THSD7B: variants seen among roughly 807,000 people sequenced by gnomAD.
THSD7B encodes the protein thrombospondin type-1 domain-containing protein 7B.
THSD7B carries 138 observed loss-of-function variants against 213.6 expected under a neutral mutation model. The ratio of observed to expected loss-of-function variants is 0.65; its 90% CI spans 0.56 to 0.74. THSD7B has a LOEUF of 0.74. Ranked by LOEUF, THSD7B falls within the 30% of genes least tolerant of loss-of-function variation. THSD7B has a pLI of 0.00. For missense variants in THSD7B, 1,931 were observed against 1,991.5 expected, an observed-to-expected ratio of 0.97 and a Z score of 0.58; for synonymous variants, 742 against 687.0, an observed-to-expected ratio of 1.08 and a Z score of -1.25.
intron 10 of THSD7B, among the ~76,000 whole-genome samples, chr2:137,250,809 C>A (rs987244088): frequency 1.1e-4 from 17 of 152,146 alleles, no homozygotes; most frequent in African/African-American, 3.6e-4. Context: ...CAAGAAAAGT[C>A]TGATTTCCCC....
intron 15 of THSD7B, among the ~76,000 whole-genome samples, chr2:137,533,905 A>G (rs1344629503): frequency 6.6e-6 from 1 of 151,806 alleles, no homozygotes; most frequent in Admixed American, 6.6e-5. Context: ...TTAATTTGGC[A>G]ACTACAATCT....
At chr2:137,172,843 G>T (rs1210335771) in intron 7 of THSD7B, among the ~76,000 whole-genome samples, 1 of 152,200 alleles carries the variant, frequency 6.6e-6, no homozygotes, top group Admixed American at 6.5e-5. Context: ...TGTTAGAGTT[G>T]AGTTAAATTG....
chr2:137,670,898 G>A (rs183482121), intron 27 of THSD7B, among the ~76,000 whole-genome samples: 572 of 129,636 alleles, frequency 4.4e-3, no homozygotes, highest in Middle Eastern at 0.012. Flanking sequence ...TGCAGCGTGG[G>A]CGACAGAGTG....
chr2:137,569,660 G>C (rs1681313583), intron 16 of THSD7B, among the ~76,000 whole-genome samples: 1 of 152,014 alleles, frequency 6.6e-6, no homozygotes, highest in Non-Finnish European at 1.5e-5. Flanking sequence ...TATTTTTGGT[G>C]TTTCCCTTTG....
At chr2:137,233,668 G>C (rs1486476368) in intron 9 of THSD7B, among the ~76,000 whole-genome samples, 1 of 152,136 alleles carries the variant, frequency 6.6e-6, no homozygotes, top group Non-Finnish European at 1.5e-5. Flanking sequence ...TTTTTAAAGA[G>C]AGTAGCAAAA....
chr2:137,091,796 G>T (rs955785450), intron 3 of THSD7B, among the ~76,000 whole-genome samples: 1 of 151,894 alleles, frequency 6.6e-6, no homozygotes, highest in Non-Finnish European at 1.5e-5. Context: ...GAGGTCCCAG[G>T]GGTTATGACT....
At chr2:137,190,414 G>T (rs2105014051) in intron 7 of THSD7B, among the ~76,000 whole-genome samples, 1 of 152,210 alleles carries the variant, frequency 6.6e-6, no homozygotes, top group South Asian at 2.1e-4. Flanking sequence ...ATGTAGAATT[G>T]GCATCATAAC....
chr2:137,513,821 T>C (rs1680016199), intron 15 of THSD7B, among the ~76,000 whole-genome samples: 1 of 152,316 alleles, frequency 6.6e-6, no homozygotes, highest in Non-Finnish European at 1.5e-5. Flanking sequence ...TGGGAATCTC[T>C]ATGAACAAAG....
At chr2:137,642,036 A>G (rs1418073258) in intron 20 of THSD7B, among the ~76,000 whole-genome samples, 1 of 152,160 alleles carries the variant, frequency 6.6e-6, no homozygotes, top group Non-Finnish European at 1.5e-5. Context: ...AGAAGAGGCA[A>G]TGCTCACTAT....
At chr2:136,926,398 A>T (rs1684525140) in intron 2 of THSD7B, among the ~76,000 whole-genome samples, 1 of 151,464 alleles carries the variant, frequency 6.6e-6, no homozygotes, top group Admixed American at 6.6e-5. Context: ...TAAAAAAAAA[A>T]GTTAAAAAAA....
chr2:137,121,763 A>G (rs1432332266), intron 5 of THSD7B, among the ~76,000 whole-genome samples: 1 of 152,224 alleles, frequency 6.6e-6, no homozygotes, highest in Non-Finnish European at 1.5e-5. Flanking sequence ...TAAAAGGCAA[A>G]TAACAAATGT....
At chr2:137,054,295 T>G (rs951298499) in intron 2 of THSD7B, among the ~76,000 whole-genome samples, 1 of 152,238 alleles carries the variant, frequency 6.6e-6, no homozygotes, top group Non-Finnish European at 1.5e-5. Context: ...AAACCTGTTC[T>G]GTTTCAGCAA....
At position 137,157,702 on chromosome 2, in the gene THSD7B, G is replaced by A. The variant is rs1334744219; in HGVS notation, c.1370-2511G>A. ...CCCAGGTCCACTGCTCACTAGCTGG[G>A]AATGTGAATAAGTGAACATTTCTGT... On this transcript the variant is annotated intron_variant, in intron 5 of 27. Coordinates refer to ENST00000409968, the MANE Select transcript of THSD7B (RefSeq NM_001316349.2). Among the ~76,000 whole-genome samples the A allele has an allele frequency of 3.3e-5, 5 of 152,200 alleles. 1 individual carries two copies. In the East Asian group the frequency reaches 9.6e-4, roughly 29 times the overall value.
intron 1 of THSD7B, among the ~76,000 whole-genome samples, chr2:136,804,100 A>G (rs1682240645): frequency 6.6e-6 from 1 of 152,150 alleles, no homozygotes; most frequent in Non-Finnish European, 1.5e-5. Flanking sequence ...TAAAATTCAC[A>G]TGAAAATACT....
intron 15 of THSD7B, among the ~76,000 whole-genome samples, chr2:137,453,488 C>T (rs1269308969): frequency 2.0e-5 from 3 of 151,686 alleles, no homozygotes; most frequent in Non-Finnish European, 4.4e-5. Context: ...TGCCACCACG[C>T]CCGGCTAATT....
At chr2:136,849,634 T>G (rs982083190) in intron 1 of THSD7B, among the ~76,000 whole-genome samples, 12 of 152,102 alleles carry the variant, frequency 7.9e-5, no homozygotes, top group Non-Finnish European at 7.4e-5. Flanking sequence ...ATTAGTGCAT[T>G]ATAGCAGTAA....
At chr2:136,829,321 C>T (rs1212817349) in intron 1 of THSD7B, among the ~76,000 whole-genome samples, 1 of 152,040 alleles carries the variant, frequency 6.6e-6, no homozygotes, top group Admixed American at 6.6e-5. Flanking sequence ...CATCTCTTTT[C>T]TTGGCTTTCT....
chr2:137,595,989 A>G (rs1681950666), intron 17 of THSD7B, among the ~76,000 whole-genome samples: 1 of 151,782 alleles, frequency 6.6e-6, no homozygotes, highest in Non-Finnish European at 1.5e-5. Flanking sequence ...TGAAGAAAAA[A>G]CCCCAAAATA....
At chr2:137,427,111 GTCTT>G (rs1448755724) in intron 14 of THSD7B, among the ~76,000 whole-genome samples, 2 of 151,960 alleles carry the variant, frequency 1.3e-5, no homozygotes, top group African/African-American at 4.8e-5. Context: ...ACCTTAGACA[GTCTT>G]TTATTAAATA....
Sources: allele counts gnomAD v4.1 joint callset (sites outside exome capture counted in the v4.1 genomes callset), GRCh38; gene constraint gnomAD v4.1.1; transcripts MANE v1.5; gene names NCBI Gene and HGNC (gene_info 2026-07-23, HGNC 2026-07-21).